The following RNF213 variants were observed in gnomAD, a reference collection of about 807,000 sequenced individuals.
RNF213 encodes ring finger protein 213.
In RNF213, 341 loss-of-function variants were observed where a neutral mutation model predicts 514.4. The ratio of observed to expected loss-of-function variants is 0.66; its 90% CI spans 0.61 to 0.73. RNF213 has a LOEUF of 0.73. Ranked by LOEUF, RNF213 falls within the 30% of genes least tolerant of loss-of-function variation. The pLI is 0.00. For synonymous variants in RNF213, 2,655 were observed against 2,658.2 expected (o/e 1.00, Z 0.04); for missense variants, 5,767 against 6,615.6 (o/e 0.87, Z 4.45).
chr17:80,373,030 G>A lies in RNF213; in HGVS notation c.12807G>A (p.Arg4269=), dbSNP rs116948489. ...YLQQVKQFCI[R]VENDWHRVYL... ...AGCAAGTCAAGCAGTTCTGTATCCG[G>A]GTGGAGAACGACTGGCACCGGGTGT... The change falls in exon 49 of 68, where the codon CGG becomes CGA. Residue 4269 remains arginine (R), a synonymous_variant. Transcript: ENST00000582970. 0.049 allele frequency: 78,567 copies of A among 1,613,946 alleles called. 2,143 individuals are homozygous for A. Among genetic ancestry groups the A allele is most frequent in the Middle Eastern group, 0.086 (520 of 6,062 alleles).
At position 80,287,972 on chromosome 17, in the gene RNF213, A is replaced by G. The variant is rs371322122; in HGVS notation, c.419A>G (p.Gln140Arg). 1.3e-6 allele frequency: 2 copies of G among 1,575,792 alleles called. No individual in the cohort carries two copies. The highest frequency in any genetic ancestry group is 2.3e-5 in the East Asian group (1 of 42,668). Residue 140 changes from glutamine to arginine, a missense_variant, in exon 4 of 68, where the codon CAG (glutamine) becomes CGG (arginine). Coordinates refer to ENST00000582970, the MANE Select transcript of RNF213 (RefSeq NM_001256071.3). The stretch of plus-strand genomic sequence containing the variant: ...GCCCTGCCCCACAGCCAAGCCCAGC[A>G]GAGTGGCCCCACTGGCCAGCCGAGC... ...DTALPHSQAQ[Q>R]SGPTGQPSQP...
chr17:80,390,322 A>C (rs1167691443), intron 67 of RNF213, 126 bp downstream of exon 67: 2 of 1,099,308 alleles, frequency 1.8e-6, no homozygotes, highest in Non-Finnish European at 2.7e-6. Context: ...TTTTGTCATT[A>C]CCAGGGCACC....
At chr17:80,276,880 G>A (rs1054589520) in intron 3 of RNF213, among the ~76,000 whole-genome samples, 5 of 151,598 alleles carry the variant, frequency 3.3e-5, no homozygotes, top group Non-Finnish European at 7.4e-5. Flanking sequence ...GTGAAACCCC[G>A]TCTCTACTAA....
chr17:80,288,890 G>A lies in RNF213; in HGVS notation c.933+135G>A. The A allele has an allele frequency of 6.8e-7, 1 of 1,466,778 alleles. No individual in the cohort carries two copies. Among genetic ancestry groups the A allele is most frequent in the South Asian group, 1.2e-5 (1 of 85,686 alleles). 90.9% of individuals were successfully genotyped at this position (1,466,778 alleles called of 1,614,324 possible). On this transcript the variant is annotated intron_variant, in intron 5 of 67. Transcript: ENST00000582970. This position sits in a 1 kb window ranked among gnomAD's most constrained non-coding sequence, Gnocchi z 4.9. ...ATTCAGACAAAGCTCTGGCCTTCGG[G>A]GTGCTCACATTCCAGCGGAGAGAGA... is the stretch of plus-strand genomic sequence containing the variant.
chr17:80,371,433 A>T (rs2079514711), intron 46 of RNF213, among the ~76,000 whole-genome samples: 1 of 152,274 alleles, frequency 6.6e-6, no homozygotes, highest in South Asian at 2.1e-4. Flanking sequence ...CCAGCACAGG[A>T]ATGGAAGACC....
intron 38 of RNF213, 73 bp from the exon 39 acceptor site, chr17:80,361,661 G>A (rs142395128): frequency 3.4e-4 from 533 of 1,573,052 alleles, no homozygotes; most frequent in Non-Finnish European, 4.1e-4. Context: ...CCTTCACTCC[G>A]GAGCCCCCTG....
chr17:80,294,804 G>A lies in RNF213; in HGVS notation c.1556G>A (p.Arg519Lys), dbSNP rs1228889731. 3 of 1,614,068 alleles carry A rather than the reference G, an allele frequency of 1.9e-6. No homozygotes were observed. Among genetic ancestry groups the A allele is most frequent in the Non-Finnish European group, 2.5e-6 (3 of 1,180,054 alleles). Reference sequence around the variant, plus strand: ...ATGAACCACATCACAGACGGGCCGAGGAAGGACCTGGTGAAGGGGAAGCAG... The same window carrying A: ...ATGAACCACATCACAGACGGGCCGAAGAAGGACCTGGTGAAGGGGAAGCAG... Reference protein sequence around the residue: ...KVMNHITDGPRKDLVKGKQIA... With the variant: ...KVMNHITDGPKKDLVKGKQIA... Residue 519 changes from arginine (R) to lysine (K), a missense_variant, in exon 9 of 68, where the codon AGG (arginine) becomes AAG (lysine). Physicochemically the swap from Arg to Lys is conservative, Grantham distance 26. Transcript: ENST00000582970.
Position 80,317,309 on chromosome 17 carries a change from G to T in RNF213, c.2901+32G>T, listed in dbSNP as rs2045980513. The T allele has an allele frequency of 1.9e-6, 3 of 1,597,408 alleles. No homozygotes were observed. Among genetic ancestry groups the T allele is most frequent in the African/African-American group, 2.7e-5 (2 of 74,736 alleles). ...AAAGTTTGGGGGCAGTCTTTTCAGGGCGTGAAGGCAAGCTGGAGAACCCCA... is the reference window on the plus strand; with the variant it reads ...AAAGTTTGGGGGCAGTCTTTTCAGGTCGTGAAGGCAAGCTGGAGAACCCCA... On this transcript the variant is annotated intron_variant, in intron 16 of 67. Coordinates refer to ENST00000582970, the MANE Select transcript of RNF213 (RefSeq NM_001256071.3). This position sits in a 1 kb window ranked among gnomAD's most constrained non-coding sequence, Gnocchi z 4.1.
chr17:80,342,379 G>A (rs4890010), intron 26 of RNF213, among the ~76,000 whole-genome samples: 84,150 of 151,912 alleles, frequency 0.55, 24,287 homozygotes, highest in Non-Finnish European at 0.64. Context: ...GACCAGGAGA[G>A]TGAGTAGGTA....
At position 80,348,764 on chromosome 17, in the gene RNF213, C is replaced by T. The variant is rs149347968; in HGVS notation, c.9951+478C>T. Among the ~76,000 whole-genome samples, 629 of 152,276 alleles carry T rather than the reference C, an allele frequency of 4.1e-3. 5 individuals are homozygous for T. Among genetic ancestry groups the T allele is most frequent in the African/African-American group, 0.014 (593 of 41,568 alleles). Reference sequence around the variant, plus strand: ...CCCCTCGCCGATGGGGAAGAATGGCCGGGAAGGGATTGTAGGCTGAGGGCC... The same window carrying T: ...CCCCTCGCCGATGGGGAAGAATGGCTGGGAAGGGATTGTAGGCTGAGGGCC... On this transcript the variant is annotated intron_variant, in intron 29 of 67. Transcript: ENST00000582970.
intron 2 of RNF213, among the ~76,000 whole-genome samples, chr17:80,271,561 C>T (rs1329949630): frequency 6.6e-6 from 1 of 152,212 alleles, no homozygotes; most frequent in Non-Finnish European, 1.5e-5. Flanking sequence ...CTTGGCCTGG[C>T]ACCATCTGGA....
Position 80,288,057 on chromosome 17 carries a change from G to C in RNF213, c.504G>C (p.Glu168Asp). ...GTGACGGCCTCTCCGCGCCCACCGAGGTTGGCGACAGCCCCCTGCAGGCCC... is the reference window on the plus strand; with the variant it reads ...GTGACGGCCTCTCCGCGCCCACCGACGTTGGCGACAGCCCCCTGCAGGCCC... ...LEGDGLSAPT[E>D]VGDSPLQAQA... Residue 168 changes from glutamate to aspartate, a missense_variant, in exon 4 of 68, where the codon GAG becomes GAC. Physicochemically the swap from Glu to Asp is conservative, Grantham distance 45 (BLOSUM62 2). Transcript: ENST00000582970. This position sits in a 1 kb window ranked among gnomAD's most constrained non-coding sequence, Gnocchi z 4.9. 3 of 1,607,906 alleles carry C rather than the reference G, an allele frequency of 1.9e-6. No individual in the cohort carries two copies. The highest frequency in any genetic ancestry group is 2.5e-6 in the Non-Finnish European group (3 of 1,176,774).
In RNF213 at chr17:80,348,028, G is replaced by A. The variant is rs2078372450; in HGVS notation, c.9693G>A (p.Leu3231=). ...YHSDACASVV[L]QVIERQGPRA... ...CGGACGCCTGCGCGTCTGTGGTGCT[G>A]CAGGTCATAGAGAGGCAGGGTCCCC... Residue 3231 remains leucine, a synonymous_variant, in exon 29 of 68, where the codon CTG becomes CTA. Coordinates refer to ENST00000582970, the MANE Select transcript of RNF213 (RefSeq NM_001256071.3). 4 of 1,614,238 alleles carry A rather than the reference G, an allele frequency of 2.5e-6. No individual in the cohort carries two copies. Among genetic ancestry groups the A allele is most frequent in the Non-Finnish European group, 3.4e-6 (4 of 1,180,046 alleles).
intron 62 of RNF213, 34 bp from the exon 63 acceptor site, chr17:80,386,656 C>G (rs750769379): frequency 3.3e-5 from 53 of 1,609,398 alleles, no homozygotes; most frequent in Admixed American, 1.3e-4. Flanking sequence ...GCATGCCTGG[C>G]CTGGACGCTG....
chr17:80,318,825 A>G (rs9896034), intron 16 of RNF213, among the ~76,000 whole-genome samples: 12,737 of 152,188 alleles, frequency 0.084, 900 homozygotes, highest in East Asian at 0.38. Flanking sequence ...CACCCGCCTC[A>G]GCCTCCCAAA....
At chr17:80,384,221 A>G (rs2144621873) in intron 59 of RNF213, among the ~76,000 whole-genome samples, 1 of 152,312 alleles carries the variant, frequency 6.6e-6, no homozygotes, top group Non-Finnish European at 1.5e-5. Flanking sequence ...TCAGCCAGAC[A>G]GAAAAGGATG....
chr17:80,268,727 A>G (rs1176984899), intron 2 of RNF213, among the ~76,000 whole-genome samples: 1 of 152,012 alleles, frequency 6.6e-6, no homozygotes, highest in African/African-American at 2.4e-5. Context: ...TTATCTATCT[A>G]TCCTATCTAT....
intron 11 of RNF213, among the ~76,000 whole-genome samples, chr17:80,302,703 CA>C (rs976473068): frequency 1.3e-5 from 2 of 151,684 alleles, no homozygotes; most frequent in South Asian, 4.2e-4. Context: ...AAAAAACAAA[CA>C]AAAAAAATAG....
rs375753576 is a variant in RNF213 at position 80,379,698 on chromosome 17, G to C, written c.13624G>C (p.Gly4542Arg). 1 of 1,614,124 alleles carries C rather than the reference G, an allele frequency of 6.2e-7. No individual in the cohort carries two copies. Among genetic ancestry groups the C allele is most frequent in the East Asian group, 2.2e-5 (1 of 44,884 alleles). Residue 4542 changes from glycine to arginine, a missense_variant, in exon 55 of 68, where the codon GGC becomes CGC. Gly to Arg is a moderately radical substitution (Grantham distance 125). Transcript: ENST00000582970. ...AGGCATTGACCACAAACCTCGGGAC[G>C]GCTTTCATCTGGTCAAGTATGTGGG... ...IGGIDHKPRD[G>R]FHLVKDKADR... is the part of the protein sequence containing the mutation.
Sources: allele counts gnomAD v4.1 joint callset (sites outside exome capture counted in the v4.1 genomes callset), GRCh38; gene constraint gnomAD v4.1.1; non-coding constraint Gnocchi (gnomAD v3.1); transcripts MANE v1.5; gene names NCBI Gene and HGNC (gene_info 2026-07-23, HGNC 2026-07-21).